Variants in MAML3 observed in about 807,000 individuals in gnomAD.
MAML3 encodes the protein mastermind-like protein 3.
A neutral mutation model predicts 101.9 loss-of-function variants in MAML3; 27 were observed. That is an observed-to-expected ratio of 0.27 (90% CI 0.20 to 0.37). MAML3 has a LOEUF of 0.37. Ranked by LOEUF, MAML3 falls within the 10% of genes least tolerant of loss-of-function variation. The pLI, the probability that MAML3 is intolerant of heterozygous loss-of-function variation, is 1.00. For missense variants in MAML3, 1,316 were observed against 1,444.9 expected (o/e 0.91, Z 1.45); for synonymous variants, 501 against 555.9 (o/e 0.90, Z 1.39).
intron 1 of MAML3, among the ~76,000 whole-genome samples, chr4:139,970,884 G>C (rs1734223587): frequency 6.6e-6 from 1 of 152,154 alleles, no homozygotes; most frequent in Non-Finnish European, 1.5e-5. Context: ...ATGGCAGTCA[G>C]TCAAACATCC....
chr4:139,824,772 AG>A (rs1229570746), intron 2 of MAML3, among the ~76,000 whole-genome samples: 2 of 152,166 alleles, frequency 1.3e-5, no homozygotes, highest in African/African-American at 4.8e-5. Flanking sequence ...ACCCTGTTAA[AG>A]AAAAGGCCCT....
intron 2 of MAML3, among the ~76,000 whole-genome samples, chr4:139,767,252 C>T (rs948449354): frequency 7.9e-5 from 12 of 152,190 alleles, no homozygotes; most frequent in African/African-American, 2.9e-4. Context: ...GACATGCTGA[C>T]GGATGTGTTC....
At chr4:139,857,668 CA>C (rs1294413326) in intron 2 of MAML3, among the ~76,000 whole-genome samples, 12 of 152,152 alleles carry the variant, frequency 7.9e-5, no homozygotes, top group Admixed American at 7.9e-4. Flanking sequence ...TGAATATTAG[CA>C]AAGTCTCCTT....
intron 2 of MAML3, among the ~76,000 whole-genome samples, chr4:139,882,318 C>A (rs1732234571): frequency 6.6e-6 from 1 of 150,644 alleles, no homozygotes; most frequent in African/African-American, 2.4e-5. Flanking sequence ...CACACAATTC[C>A]AGATTTTTTT....
chr4:139,739,294 C>T (rs1416236148), intron 2 of MAML3, among the ~76,000 whole-genome samples: 1 of 152,182 alleles, frequency 6.6e-6, no homozygotes, highest in East Asian at 1.9e-4. Flanking sequence ...ATGCCACCAG[C>T]CACAGGAAGG....
chr4:140,082,504 G>A (rs888276545), intron 1 of MAML3, among the ~76,000 whole-genome samples: 1 of 152,102 alleles, frequency 6.6e-6, no homozygotes, highest in African/African-American at 2.4e-5. Context: ...CTGCCTGGTT[G>A]CCTGTTGGGC....
intron 2 of MAML3, among the ~76,000 whole-genome samples, chr4:139,808,490 G>A (rs1730738444): frequency 6.6e-6 from 1 of 152,216 alleles, no homozygotes; most frequent in South Asian, 2.1e-4. Flanking sequence ...GGTCCTTAGT[G>A]AACTGCCAAG....
intron 1 of MAML3, among the ~76,000 whole-genome samples, chr4:140,144,580 C>T (rs1729026739): frequency 6.6e-6 from 1 of 151,210 alleles, no homozygotes; most frequent in South Asian, 2.1e-4. Context: ...TAAAGGAATC[C>T]TACAGTAAAT....
At chr4:139,822,856 T>A (rs1205302836) in intron 2 of MAML3, among the ~76,000 whole-genome samples, 1 of 152,246 alleles carries the variant, frequency 6.6e-6, no homozygotes, top group African/African-American at 2.4e-5. Context: ...GTTTTTACCA[T>A]GCTACATGAA....
intron 2 of MAML3, among the ~76,000 whole-genome samples, chr4:139,742,241 C>T (rs1025272050): frequency 1.3e-5 from 2 of 151,792 alleles, no homozygotes; most frequent in Non-Finnish European, 1.5e-5. Flanking sequence ...CTCCGCCTCC[C>T]GGGCTCAAGC....
At chr4:139,894,630 T>C (rs1281963441) in intron 1 of MAML3, among the ~76,000 whole-genome samples, 1 of 152,196 alleles carries the variant, frequency 6.6e-6, no homozygotes, top group Admixed American at 6.5e-5. Context: ...CTAAATCTTA[T>C]ATTTTTACAA....
chr4:139,885,932 CA>C (rs1182443191), intron 2 of MAML3, among the ~76,000 whole-genome samples: 625 of 20,242 alleles, frequency 0.031, 2 homozygotes, highest in African/African-American at 0.078. Context: ...GACTCCGTCT[CA>C]AAAAAAAAAA....
chr4:140,043,435 G>A (rs1727120746), intron 1 of MAML3, among the ~76,000 whole-genome samples: 1 of 152,132 alleles, frequency 6.6e-6, no homozygotes, highest in African/African-American at 2.4e-5. Context: ...CAATACTGTA[G>A]CATTTTCCAA....
Position 139,906,695 on chromosome 4 carries a change from G to C in MAML3, c.469-15728C>G, listed in dbSNP as rs371113037. 8.5e-5 allele frequency among the ~76,000 whole-genome samples: 13 copies of C among 152,278 alleles called. No homozygotes were observed. In the East Asian group the frequency reaches 2.1e-3, roughly 25 times the overall value. ...TGTAAAACTGTAGAGTAAAAAGTAT[G>C]TATTTCAATGGTTTTATCTTTCTTA... On this transcript the variant is annotated intron_variant, in intron 1 of 4. Transcript: ENST00000509479.
rs747152125 is a variant in MAML3, at chr4:139,890,841, C to A, written c.595G>T (p.Gly199Trp). Residue 199 changes from glycine (G) to tryptophan (W), a missense_variant, in exon 2 of 5, where the codon GGG becomes TGG. Transcript: ENST00000509479. The surrounding 1 kb of genome is among the most constrained non-coding windows in gnomAD (Gnocchi z 4.1). Reference sequence around the variant, plus strand: ...GGCAAATTGTTGATGGCTTCCATCCCCGCAGAAATGTCCTTTCGAATTCGT... The same window carrying A: ...GGCAAATTGTTGATGGCTTCCATCCACGCAGAAATGTCCTTTCGAATTCGT... ...SKRIRKDISAGMEAINNLPSN... is the reference protein window; with the variant it reads ...SKRIRKDISAWMEAINNLPSN... 1 of 1,613,992 alleles carries A rather than the reference C, an allele frequency of 6.2e-7. No homozygotes were observed. Among genetic ancestry groups the A allele is most frequent in the Non-Finnish European group, 8.5e-7 (1 of 1,179,872 alleles).
At chr4:139,734,166 A>G (rs1368701843) in intron 2 of MAML3, among the ~76,000 whole-genome samples, 2 of 152,226 alleles carry the variant, frequency 1.3e-5, no homozygotes, top group Non-Finnish European at 2.9e-5. Flanking sequence ...GGCCGAGGCC[A>G]CTAACATAAT....
intron 1 of MAML3, among the ~76,000 whole-genome samples, chr4:139,916,056 T>C (rs2111229100): frequency 6.6e-6 from 1 of 152,294 alleles, no homozygotes; most frequent in East Asian, 1.9e-4. Flanking sequence ...TTAATAAACA[T>C]CATTTACACA....
chr4:140,026,452 C>T (rs1192828100), intron 1 of MAML3, among the ~76,000 whole-genome samples: 2 of 152,046 alleles, frequency 1.3e-5, no homozygotes, highest in South Asian at 2.1e-4. Context: ...CGGGGTTTCA[C>T]CACGTTGGCC....
intron 1 of MAML3, chr4:140,134,370 C>A (rs747668060): frequency 1.8e-5 from 8 of 456,632 alleles, no homozygotes; most frequent in South Asian, 4.6e-5. Context: ...CCAATCATTT[C>A]TCCAGATGCT....
Sources: gnomAD v4.1 joint callset for allele counts (sites outside exome capture counted in the v4.1 genomes callset) on GRCh38, gnomAD v4.1.1 for gene constraint, Gnocchi (gnomAD v3.1) non-coding constraint, MANE v1.5 for transcripts, NCBI Gene and HGNC (gene_info 2026-07-23, HGNC 2026-07-21) for gene names.